Variants in RIMKLA observed in about 807,000 individuals in gnomAD.
The protein encoded by RIMKLA is ribosomal modification protein rimK like family member A, also known as N-acetylaspartylglutamate synthase A.
RIMKLA carries 14 observed loss-of-function variants against 32.7 expected under a neutral mutation model. That is an observed-to-expected ratio of 0.43 (90% CI 0.28 to 0.67). The LOEUF is 0.67. RIMKLA is among the 30% of genes least tolerant of loss of function. RIMKLA has a pLI of 0.18. For missense variants in RIMKLA, 410 were observed against 519.0 expected, an observed-to-expected ratio of 0.79 and a Z score of 2.04; for synonymous variants, 176 against 204.1, an observed-to-expected ratio of 0.86 and a Z score of 1.18.
intron 1 of RIMKLA, among the ~76,000 whole-genome samples, chr1:42,394,739 ATT>A (rs113030477): frequency 6.9e-6 from 1 of 145,938 alleles, no homozygotes. Context: ...AGTTATGAAG[ATT>A]TTTTTTTTTT....
intron 3 of RIMKLA, among the ~76,000 whole-genome samples, chr1:42,405,463 C>T (rs964536091): frequency 3.9e-5 from 6 of 152,146 alleles, no homozygotes; most frequent in African/African-American, 1.4e-4. Context: ...AGGAGTCTTC[C>T]TGCAGTATAT....
In RIMKLA at chr1:42,401,923, G is replaced by A. The variant is rs528099620; in HGVS notation, c.394+2289G>A. 1.8e-4 allele frequency among the ~76,000 whole-genome samples: 27 copies of A among 152,262 alleles called. No homozygotes were observed. The South Asian group carries it at 4.2e-3, about 23-fold the overall frequency. The stretch of plus-strand genomic sequence containing the variant: ...AAAATCCCTGGGGAGTTGAGAAAGG[G>A]CGTCTAAAGCACAGTGGGCCAGGGA... On this transcript the variant is annotated intron_variant, in intron 2 of 4. Transcript: ENST00000431473.
In RIMKLA at chr1:42,422,409, G is replaced by A. The variant is rs926505712; in HGVS notation, c.*7435G>A. 1 of 152,162 alleles carries A rather than the reference G, an allele frequency of 6.6e-6. No homozygotes were observed. The highest frequency in any genetic ancestry group is 2.4e-5 in the African/African-American group (1 of 41,426). 9.4% of individuals were successfully genotyped at this position (152,162 alleles called of 1,614,324 possible). ...GGACTGTAGCTTTTCCTGCCTAACT[G>A]GCAAAATGAAAATATGCTGAAAAGA... is the stretch of plus-strand genomic sequence containing the variant. On this transcript the variant is annotated 3_prime_UTR_variant, in exon 5 of 5. Transcript: ENST00000431473.
At chr1:42,412,635 TC>T (rs1308160591) in intron 4 of RIMKLA, 1 of 507,268 alleles carries the variant, frequency 2.0e-6, no homozygotes, top group African/African-American at 2.0e-5. Context: ...AGCTCTGTGA[TC>T]ATCAGTGATT....
At chr1:42,394,102 T>C (rs1043821238) in intron 1 of RIMKLA, among the ~76,000 whole-genome samples, 10 of 152,224 alleles carry the variant, frequency 6.6e-5, no homozygotes, top group African/African-American at 2.4e-4. Flanking sequence ...GTTATTTATA[T>C]AGTTGATTCC....
In RIMKLA at chr1:42,402,844, G is replaced by T. The variant is rs189973335; in HGVS notation, c.395-1667G>T. Among the ~76,000 whole-genome samples the T allele has an allele frequency of 4.4e-4, 67 of 152,174 alleles. No individual in the cohort carries two copies. The East Asian group carries it at 0.011, about 25-fold the overall frequency. The stretch of plus-strand genomic sequence containing the variant: ...GAGCTCAGGCAGTCCGCCCACCTCG[G>T]CGCCCACGAAGTGCTGGGATTCCAG... On this transcript the variant is annotated intron_variant, in intron 2 of 4. Coordinates refer to ENST00000431473, the MANE Select transcript of RIMKLA (RefSeq NM_173642.4).
At chr1:42,386,807 C>T (rs1642952436) in intron 1 of RIMKLA, among the ~76,000 whole-genome samples, 1 of 151,632 alleles carries the variant, frequency 6.6e-6, no homozygotes, top group South Asian at 2.1e-4. Context: ...ATCACTTGAA[C>T]CTGGGAAGTG....
chr1:42,418,677 G>T lies in RIMKLA; in HGVS notation c.*3703G>T, dbSNP rs1399136354. ...GGATTTCCATCCACCCTGGAGAAGT[G>T]GGGGAGATGTGCTTCCTCCCTTCTT... On this transcript the variant is annotated 3_prime_UTR_variant, in exon 5 of 5. Transcript: ENST00000431473. 4 of 152,250 alleles carry T rather than the reference G, an allele frequency of 2.6e-5. No individual in the cohort carries two copies. Among genetic ancestry groups the T allele is most frequent in the Admixed American group, 2.0e-4 (3 of 15,280 alleles). The allele number at this position is 152,250 out of a possible 1,614,324, so 9.4% of individuals were successfully genotyped here. A position where few individuals can be genotyped will look rare whatever the true frequency, so the allele number is the denominator to read the frequency against.
Position 42,404,613 on chromosome 1 carries a change from C to G in RIMKLA, c.481+16C>G. The stretch of plus-strand genomic sequence containing the variant: ...GGCCACCGGGGTCAGTGCCACCTCT[C>G]CAGGGCTTCCTGGGTAATCAGCCCA... On this transcript the variant is annotated intron_variant, in intron 3 of 4. Coordinates refer to ENST00000431473, the MANE Select transcript of RIMKLA (RefSeq NM_173642.4). The G allele has an allele frequency of 1.3e-6, 2 of 1,557,902 alleles. No homozygotes were observed. Among genetic ancestry groups the G allele is most frequent in the Non-Finnish European group, 1.8e-6 (2 of 1,131,124 alleles).
In RIMKLA at chr1:42,424,108, C is replaced by T. The variant is rs578130360; in HGVS notation, c.*9134C>T. On this transcript the variant is annotated 3_prime_UTR_variant, in exon 5 of 5. Coordinates refer to ENST00000431473, the MANE Select transcript of RIMKLA (RefSeq NM_173642.4). ...ACATTATTAAGACAACTGGTCTGTA[C>T]TGTATTGCCTGATAGTATCATATCA... 2.6e-5 allele frequency among the ~76,000 whole-genome samples: 4 copies of T among 152,154 alleles called. No individual in the cohort carries two copies. Among genetic ancestry groups the T allele is most frequent in the Non-Finnish European group, 5.9e-5 (4 of 68,030 alleles).
chr1:42,398,967 TAAAAAA>T (rs543668676), intron 1 of RIMKLA, among the ~76,000 whole-genome samples: 6 of 98,390 alleles, frequency 6.1e-5, no homozygotes, highest in Admixed American at 2.4e-4. Context: ...ACCCTGTCTT[TAAAAAA>T]AAAAAAAAAA....
In RIMKLA at chr1:42,414,670, T is replaced by C. The variant is rs35815779; in HGVS notation, c.872T>C (p.Val291Ala). 47 of 1,614,072 alleles carry C rather than the reference T, an allele frequency of 2.9e-5. No homozygotes were observed. Among genetic ancestry groups the C allele is most frequent in the Non-Finnish European group, 3.9e-5 (46 of 1,180,024 alleles). ...TTTGACCAGGCATGCAACTTAGATG[T>C]GGGTGGGATCATTGCAGACTATACC... The part of the protein sequence containing the change: ...LAFDQACNLD[V>A]GGIIADYTMS... Residue 291 changes from valine to alanine, a missense_variant, in exon 5 of 5, where the codon GTG becomes GCG. By Grantham distance (64) the Val-to-Ala change is moderately conservative. Coordinates refer to ENST00000431473, the MANE Select transcript of RIMKLA (RefSeq NM_173642.4).
At chr1:42,397,741 A>C (rs1341185694) in intron 1 of RIMKLA, among the ~76,000 whole-genome samples, 1 of 152,136 alleles carries the variant, frequency 6.6e-6, no homozygotes, top group Non-Finnish European at 1.5e-5. Context: ...AAATAAAATA[A>C]TACAATATAT....
rs1015495488 is a variant in RIMKLA, at chr1:42,415,079, A to G, written c.*105A>G. 7.9e-7 allele frequency: 1 copy of G among 1,262,886 alleles called. No homozygotes were observed. Among genetic ancestry groups the G allele is most frequent in the African/African-American group, 1.5e-5 (1 of 67,034 alleles). 78.2% of individuals were successfully genotyped at this position (1,262,886 alleles called of 1,614,324 possible). ...TGATTTCATTTGCACAGAAACTAGA[A>G]ATCCCATCTGGGCACTCAGCATTTT... On this transcript the variant is annotated 3_prime_UTR_variant, in exon 5 of 5. Transcript: ENST00000431473.
At chr1:42,399,330 G>C (rs1643076327) in intron 1 of RIMKLA, 74 bp from the exon 2 acceptor site, 5 of 1,118,764 alleles carry the variant, frequency 4.5e-6, no homozygotes, top group African/African-American at 1.5e-5. Context: ...GTCTTGAAGA[G>C]TCTGTTGGAA....
chr1:42,397,976 C>T (rs1365902834), intron 1 of RIMKLA, among the ~76,000 whole-genome samples: 1 of 152,066 alleles, frequency 6.6e-6, no homozygotes, highest in Non-Finnish European at 1.5e-5. Context: ...CCCCTCTTAC[C>T]CTTGCATGCT....
At chr1:42,391,271 TGTAAGA>T (rs1413843948) in intron 1 of RIMKLA, among the ~76,000 whole-genome samples, 1 of 152,090 alleles carries the variant, frequency 6.6e-6, no homozygotes, top group Non-Finnish European at 1.5e-5. Context: ...TTTCTGATAG[TGTAAGA>T]GTAAGGAGCT....
chr1:42,390,721 T>TG (rs1349648396), intron 1 of RIMKLA, among the ~76,000 whole-genome samples: 2 of 152,114 alleles, frequency 1.3e-5, no homozygotes, highest in Admixed American at 1.3e-4. Flanking sequence ...GAAATAGTGT[T>TG]GTGGTTGATT....
At chr1:42,391,064 A>G (rs770591236) in intron 1 of RIMKLA, among the ~76,000 whole-genome samples, 2 of 152,176 alleles carry the variant, frequency 1.3e-5, no homozygotes, top group African/African-American at 2.4e-5. Context: ...AAGGAATAGT[A>G]CTAGAAGAAG....
Sources: gnomAD v4.1 joint callset for allele counts (sites outside exome capture counted in the v4.1 genomes callset) on GRCh38, gnomAD v4.1.1 for gene constraint, MANE v1.5 for transcripts, NCBI Gene and HGNC (gene_info 2026-07-23, HGNC 2026-07-21) for gene names.